The following UEVLD variants were observed in gnomAD, a reference collection of about 807,000 sequenced individuals.
UEVLD encodes ubiquitin-conjugating enzyme E2 variant 3.
Under a neutral mutation model 58.6 loss-of-function variants are expected in UEVLD, and 47 were observed. The observed-to-expected ratio is 0.80, with a 90% CI of 0.63 to 1.02. UEVLD has a LOEUF of 1.02. Ranked by LOEUF, UEVLD falls within the 50% of genes least tolerant of loss-of-function variation. The probability of loss-of-function intolerance (pLI) is 0.00; values close to 1 mark genes in which losing one functional copy is unlikely to be tolerated. For synonymous variants in UEVLD, 197 were observed against 195.3 expected, an observed-to-expected ratio of 1.01 and a Z score of -0.07; for missense variants, 510 against 550.6, an observed-to-expected ratio of 0.93 and a Z score of 0.74.
intron 9 of UEVLD, among the ~76,000 whole-genome samples, chr11:18,543,508 G>A (rs1053218787): frequency 2.0e-5 from 3 of 151,986 alleles, no homozygotes; most frequent in Admixed American, 6.6e-5. Flanking sequence ...CTATTCATTC[G>A]TCCAAACTCC....
At chr11:18,565,383 C>G (rs1193386938) in intron 5 of UEVLD, among the ~76,000 whole-genome samples, 4 of 152,086 alleles carry the variant, frequency 2.6e-5, no homozygotes, top group Non-Finnish European at 5.9e-5. Context: ...TGCCTTTATT[C>G]TTGATGAGAA....
In UEVLD at chr11:18,535,099, A is replaced by G. The variant is rs113706842; in HGVS notation, c.1125-646T>C. Among the ~76,000 whole-genome samples the G allele has an allele frequency of 7.0e-3, 1,061 of 152,346 alleles. 6 individuals are homozygous for G. The highest frequency in any genetic ancestry group is 0.011 in the Non-Finnish European group (755 of 68,032). On this transcript the variant is annotated intron_variant, in intron 10 of 11. Transcript: ENST00000396197. ...TTAAGGAAAGAAATGAAGTTGCAAG[A>G]TAGTATGGATAGCATAAATCTATAT...
At chr11:18,543,587 A>G (rs1054551018) in intron 9 of UEVLD, among the ~76,000 whole-genome samples, 3 of 152,232 alleles carry the variant, frequency 2.0e-5, no homozygotes, top group East Asian at 1.9e-4. Context: ...ATGCTCACTC[A>G]TAAGTATCTA....
intron 7 of UEVLD, among the ~76,000 whole-genome samples, chr11:18,552,085 C>T (rs1197768673): frequency 6.6e-6 from 1 of 152,126 alleles, no homozygotes; most frequent in Non-Finnish European, 1.5e-5. Context: ...CACATATTTT[C>T]ATTTATCTGG....
Position 18,578,797 on chromosome 11 carries a change from C to T in UEVLD, c.54G>A (p.Arg18=), listed in dbSNP as rs1853076496. ...LRRLLGKYKF[R]DLTVEELRNV... ...TCCTTAGTTCTTCCACAGTTAGGTC[C>T]CTGAACTTGTACTGAAAAGAGAAAA... Residue 18 remains arginine (R), a synonymous_variant, in exon 2 of 12, where the codon AGG becomes AGA. Coordinates refer to ENST00000396197, the MANE Select transcript of UEVLD (RefSeq NM_001040697.4). 1 of 1,600,520 alleles carries T rather than the reference C, an allele frequency of 6.2e-7. No individual in the cohort carries two copies. Among genetic ancestry groups the T allele is most frequent in the Admixed American group, 1.8e-5 (1 of 56,658 alleles).
chr11:18,579,876 A>T (rs991362376), intron 1 of UEVLD, among the ~76,000 whole-genome samples: 2 of 152,218 alleles, frequency 1.3e-5, no homozygotes, highest in Admixed American at 1.3e-4. Context: ...AACAAGGTAC[A>T]ATACTTAGAC....
At chr11:18,559,121 A>G (rs12574808) in intron 6 of UEVLD, among the ~76,000 whole-genome samples, 59,166 of 151,740 alleles carry the variant, frequency 0.39, 12,007 homozygotes, top group East Asian at 0.66. Context: ...TGATGTGCTC[A>G]CCTTGGTCTC....
chr11:18,557,765 A>G (rs1202923150), intron 7 of UEVLD, among the ~76,000 whole-genome samples: 2 of 152,094 alleles, frequency 1.3e-5, no homozygotes, highest in Non-Finnish European at 2.9e-5. Flanking sequence ...GCACTTTGCT[A>G]TATACCAAAA....
intron 1 of UEVLD, among the ~76,000 whole-genome samples, chr11:18,586,165 G>A (rs564191964): frequency 6.6e-6 from 1 of 152,076 alleles, no homozygotes; most frequent in Non-Finnish European, 1.5e-5. Context: ...CTTCTCCATC[G>A]ATTTTTTCTG....
intron 8 of UEVLD, 91 bp downstream of exon 8, chr11:18,546,789 G>A: frequency 3.5e-6 from 5 of 1,445,208 alleles, no homozygotes; most frequent in Non-Finnish European, 3.8e-6. Flanking sequence ...GAGCCACTGT[G>A]CCAGGCCCTA....
At chr11:18,557,106 AAGAG>A (rs1379752435) in intron 7 of UEVLD, among the ~76,000 whole-genome samples, 2 of 151,060 alleles carry the variant, frequency 1.3e-5, no homozygotes, top group Non-Finnish European at 3.0e-5. Context: ...AAAAAAAAAA[AAGAG>A]AGAGAGATAG....
intron 1 of UEVLD, among the ~76,000 whole-genome samples, chr11:18,587,419 T>G (rs1853633606): frequency 6.6e-6 from 1 of 152,184 alleles, no homozygotes; most frequent in Non-Finnish European, 1.5e-5. Flanking sequence ...CTCCCACGGG[T>G]ATGTAAACTG....
chr11:18,554,352 A>C (rs1467824949), intron 7 of UEVLD, among the ~76,000 whole-genome samples: 1 of 150,264 alleles, frequency 6.7e-6, no homozygotes, highest in Non-Finnish European at 1.5e-5. Flanking sequence ...TCGGCCTCCC[A>C]AAGTGCTGGG....
At chr11:18,579,413 A>G in intron 1 of UEVLD, 2 of 983,452 alleles carry the variant, frequency 2.0e-6, no homozygotes, top group Non-Finnish European at 2.4e-6. Context: ...TCTAAATCAA[A>G]CTGCCTCCAA....
intron 6 of UEVLD, 97 bp downstream of exon 6, chr11:18,564,795 C>CACG (rs1852215382): frequency 1.1e-5 from 9 of 810,412 alleles, no homozygotes; most frequent in Admixed American, 8.1e-5. Flanking sequence ...AAGGTTTTCC[C>CACG]ACGACAAAAT....
chr11:18,566,621 G>A, intron 4 of UEVLD, 139 bp from the exon 5 acceptor site: 3 of 838,468 alleles, frequency 3.6e-6, no homozygotes, highest in Admixed American at 3.1e-5. Flanking sequence ...CTCCAGCTTG[G>A]GCAACAGAAT....
At chr11:18,541,871 T>C (rs2133967070) in intron 9 of UEVLD, among the ~76,000 whole-genome samples, 1 of 152,290 alleles carries the variant, frequency 6.6e-6, no homozygotes, top group East Asian at 1.9e-4. Flanking sequence ...AAGACCTGGG[T>C]GCTAGTCCTT....
chr11:18,537,890 T>G (rs1850878365), intron 9 of UEVLD, among the ~76,000 whole-genome samples: 1 of 152,142 alleles, frequency 6.6e-6, no homozygotes, highest in East Asian at 1.9e-4. Context: ...CTTGAACTCC[T>G]TACCTCAGGT....
intron 1 of UEVLD, among the ~76,000 whole-genome samples, chr11:18,584,019 G>A (rs554783936): frequency 2.0e-5 from 3 of 152,260 alleles, no homozygotes; most frequent in African/African-American, 7.2e-5. Flanking sequence ...TCAGCTGGAG[G>A]AGCAGAAAAT....
Sources: gnomAD v4.1 joint callset for allele counts (sites outside exome capture counted in the v4.1 genomes callset) on GRCh38, gnomAD v4.1.1 for gene constraint, MANE v1.5 for transcripts, NCBI Gene and HGNC (gene_info 2026-07-23, HGNC 2026-07-21) for gene names.